The following UBXN4 variants were observed in gnomAD, a reference collection of about 807,000 sequenced individuals.
UBXN4 encodes the protein UBX domain protein 4, also known as UBX domain-containing protein 4.
UBXN4 carries 35 observed loss-of-function variants against 66.2 expected under a neutral mutation model. The ratio of observed to expected loss-of-function variants is 0.53; its 90% CI spans 0.40 to 0.70. The LOEUF (loss-of-function observed/expected upper bound fraction) is 0.70, where lower values mean the gene tolerates loss of function less well. Among genes scored for constraint, UBXN4 ranks in the 30% least tolerant of loss-of-function variants. The pLI is 0.00. For synonymous variants in UBXN4, 203 were observed against 204.5 expected (o/e 0.99, Z 0.06); for missense variants, 533 against 599.8 (o/e 0.89, Z 1.16).
At chr2:135,769,940 C>G in intron 7 of UBXN4, 117 bp downstream of exon 7, 1 of 736,274 alleles carries the variant, frequency 1.4e-6, no homozygotes, top group Non-Finnish European at 2.0e-6. Context: ...AGTGTTGCAG[C>G]ACTATGAAGA....
chr2:135,746,790 A>G (rs1395466361), intron 1 of UBXN4, among the ~76,000 whole-genome samples: 1 of 152,190 alleles, frequency 6.6e-6, no homozygotes, highest in Non-Finnish European at 1.5e-5. Flanking sequence ...GTCCTGATGT[A>G]TGGGGCCTTC....
chr2:135,772,392 G>T (rs770341536), intron 8 of UBXN4, 28 bp from the exon 9 acceptor site: 2 of 1,608,742 alleles, frequency 1.2e-6, no homozygotes, highest in Middle Eastern at 1.7e-4. Context: ...GGCAGTAAAG[G>T]TAATTGGTAT....
intron 2 of UBXN4, among the ~76,000 whole-genome samples, chr2:135,749,685 T>C (rs758920793): frequency 6.6e-6 from 1 of 152,224 alleles, no homozygotes; most frequent in African/African-American, 2.4e-5. Context: ...CACAAACTAA[T>C]AATAATTCTT....
At chr2:135,746,274 A>G (rs2077207053) in intron 1 of UBXN4, among the ~76,000 whole-genome samples, 1 of 152,198 alleles carries the variant, frequency 6.6e-6, no homozygotes, top group Admixed American at 6.5e-5. Flanking sequence ...TAGGCATGCC[A>G]TCATACTTAC....
At chr2:135,757,885 C>A (rs1470380999) in intron 5 of UBXN4, among the ~76,000 whole-genome samples, 1 of 151,518 alleles carries the variant, frequency 6.6e-6, no homozygotes, top group African/African-American at 2.4e-5. Flanking sequence ...GAGTTTGAGA[C>A]CCGCCTGGAC....
intron 1 of UBXN4, among the ~76,000 whole-genome samples, chr2:135,745,875 C>CTTTTTTCTTTTTTTTT (rs2077204386): frequency 4.0e-5 from 3 of 74,392 alleles, no homozygotes; most frequent in African/African-American, 5.1e-5. Flanking sequence ...GTCCCGTTTA[C>CTTTTTTCTTTTTTTTT]TTTTTTTTTT....
chr2:135,763,239 G>C (rs1013207641), intron 6 of UBXN4, among the ~76,000 whole-genome samples: 1 of 152,142 alleles, frequency 6.6e-6, no homozygotes, highest in African/African-American at 2.4e-5. Flanking sequence ...TACCCTAAGA[G>C]TTGCCATCGT....
chr2:135,764,118 C>T lies in UBXN4; in HGVS notation c.602+2207C>T, dbSNP rs115797754. 2.3e-3 allele frequency among the ~76,000 whole-genome samples: 312 copies of T among 138,156 alleles called. 1 individual carries two copies. The highest frequency in any genetic ancestry group is 0.01 in the Middle Eastern group (3 of 290). 90.6% of individuals were successfully genotyped at this position (138,156 alleles called of 152,430 possible). Reference sequence around the variant, plus strand: ...CAGCCTGGGTGACAGAGTGCTACTCCGTCTCAAAATAAATAAAATAAAATA... The same window carrying T: ...CAGCCTGGGTGACAGAGTGCTACTCTGTCTCAAAATAAATAAAATAAAATA... On this transcript the variant is annotated intron_variant, in intron 6 of 12. Transcript: ENST00000272638.
intron 12 of UBXN4, 130 bp downstream of exon 12, chr2:135,780,515 C>T (rs746486254): frequency 1.0e-5 from 8 of 793,274 alleles, no homozygotes; most frequent in African/African-American, 1.8e-5. Flanking sequence ...GAGAAAAACT[C>T]CGATGCTCTG....
At chr2:135,750,835 C>CTTTTTTTTTTTTTTTT in intron 2 of UBXN4, among the ~76,000 whole-genome samples, 1 of 77,472 alleles carries the variant, frequency 1.3e-5, no homozygotes, top group East Asian at 4.8e-4. Context: ...ATGTGTCTGG[C>CTTTTTTTTTTTTTTTT]TTTTTTTTTT....
At chr2:135,767,316 G>A (rs970091399) in intron 6 of UBXN4, among the ~76,000 whole-genome samples, 10 of 152,048 alleles carry the variant, frequency 6.6e-5, no homozygotes, top group Non-Finnish European at 1.3e-4. Flanking sequence ...AGCCGAGATC[G>A]TGCCACTGCA....
Position 135,753,544 on chromosome 2 carries a change from C to T in UBXN4, c.191C>T (p.Ala64Val). The T allele has an allele frequency of 6.6e-7, 1 of 1,524,860 alleles. No individual in the cohort carries two copies. Among genetic ancestry groups the T allele is most frequent in the Non-Finnish European group, 8.7e-7 (1 of 1,148,872 alleles). The allele number at this position is 1,524,860 out of a possible 1,614,324, so 94.5% of individuals were successfully genotyped here. A position where few individuals can be genotyped will look rare whatever the true frequency, so the allele number is the denominator to read the frequency against. The change falls in exon 3 of 13, where the codon GCC (alanine) becomes GTC (valine). Residue 64 changes from alanine (A) to valine (V), a missense_variant. Ala to Val is a moderately conservative substitution (Grantham distance 64). Coordinates refer to ENST00000272638, the MANE Select transcript of UBXN4 (RefSeq NM_014607.4). Reference protein sequence around the residue: ...VAIKIDTKSEACLQFSQIYPV... With the variant: ...VAIKIDTKSEVCLQFSQIYPV... The stretch of plus-strand genomic sequence containing the variant: ...TGTTTGATTTTGTTTTACAGTGAAG[C>T]CTGCCTACAGTTTTCACAAATCTGT...
intron 6 of UBXN4, among the ~76,000 whole-genome samples, chr2:135,768,074 T>C (rs557414119): frequency 3.3e-5 from 5 of 152,170 alleles, no homozygotes; most frequent in Non-Finnish European, 5.9e-5. Flanking sequence ...CATTTTCATT[T>C]AAAAAAATGA....
chr2:135,775,384 A>G (rs1488347073), intron 9 of UBXN4, among the ~76,000 whole-genome samples: 1 of 152,254 alleles, frequency 6.6e-6, no homozygotes, highest in Non-Finnish European at 1.5e-5. Context: ...AAAATAGCTA[A>G]AATGTGGTAA....
At chr2:135,775,860 G>A (rs1261697148) in intron 9 of UBXN4, among the ~76,000 whole-genome samples, 2 of 152,138 alleles carry the variant, frequency 1.3e-5, no homozygotes, top group Non-Finnish European at 2.9e-5. Context: ...TACACCTCCC[G>A]GGTTCAAGCC....
Position 135,781,323 on chromosome 2 carries a change from A to G in UBXN4, c.1388+938A>G, listed in dbSNP as rs145889859. On this transcript the variant is annotated intron_variant, in intron 12 of 12. Coordinates refer to ENST00000272638, the MANE Select transcript of UBXN4 (RefSeq NM_014607.4). ...TAACTCCTATCTTTGTTAAGATTTT[A>G]TATACTTGAAACAGGTTAATGGGAA... Among the ~76,000 whole-genome samples, 27 of 152,360 alleles carry G rather than the reference A, an allele frequency of 1.8e-4. No individual in the cohort carries two copies. The East Asian group carries it at 5.0e-3, about 28-fold the overall frequency.
intron 9 of UBXN4, 100 bp downstream of exon 9, chr2:135,772,647 G>T: frequency 6.9e-7 from 1 of 1,440,534 alleles, no homozygotes. Flanking sequence ...GTTATAAGCA[G>T]TCCATTCCAG....
Position 135,748,253 on chromosome 2 carries a change from G to C in UBXN4, c.83-14G>C. 5 of 1,533,276 alleles carry C rather than the reference G, an allele frequency of 3.3e-6. No homozygotes were observed. The highest frequency in any genetic ancestry group is 4.4e-6 in the Non-Finnish European group (5 of 1,143,936). The allele number at this position is 1,533,276 out of a possible 1,614,324, so 95.0% of individuals were successfully genotyped here. A position where few individuals can be genotyped will look rare whatever the true frequency, so the allele number is the denominator to read the frequency against. ...ATCCCAGCCTGGTATAAGAATTTTT[G>C]AAATGTTTTACAGGTGATGATGAAC... On this transcript the variant is annotated splice_polypyrimidine_tract_variant and intron_variant, in intron 1 of 12. Transcript: ENST00000272638.
chr2:135,755,738 A>G (rs746165900), intron 5 of UBXN4, 47 bp downstream of exon 5: 3 of 1,176,272 alleles, frequency 2.6e-6, no homozygotes, highest in Non-Finnish European at 3.3e-6. Context: ...CTCCTTCACT[A>G]CATTTTAATA....
Sources: allele counts gnomAD v4.1 joint callset (sites outside exome capture counted in the v4.1 genomes callset), GRCh38; gene constraint gnomAD v4.1.1; transcripts MANE v1.5; gene names NCBI Gene and HGNC (gene_info 2026-07-23, HGNC 2026-07-21).